The following ILDR1 variants were observed in gnomAD, a reference collection of about 807,000 sequenced individuals.
ILDR1 encodes the protein immunoglobulin like domain containing receptor 1, also known as immunoglobulin-like domain-containing receptor 1.
A neutral mutation model predicts 62.4 loss-of-function variants in ILDR1; 56 were observed. The ratio of observed to expected loss-of-function variants is 0.90; its 90% CI spans 0.72 to 1.12. The LOEUF (loss-of-function observed/expected upper bound fraction) is 1.12, where lower values mean the gene tolerates loss of function less well. ILDR1 is among the 50% of genes most tolerant of loss of function. The pLI is 0.00. For missense variants in ILDR1, 736 were observed against 710.6 expected, an observed-to-expected ratio of 1.04 and a Z score of -0.41; for synonymous variants, 284 against 277.8, an observed-to-expected ratio of 1.02 and a Z score of -0.22.
chr3:121,993,084 G>T, intron 7 of ILDR1, 66 bp downstream of exon 7: 1 of 1,291,806 alleles, frequency 7.7e-7, no homozygotes, highest in Non-Finnish European at 1.1e-6. Flanking sequence ...TGTTGGCTGT[G>T]GTCATGCCTG....
chr3:122,014,048 G>T (rs1405080571), intron 1 of ILDR1, among the ~76,000 whole-genome samples: 1 of 152,192 alleles, frequency 6.6e-6, no homozygotes, highest in Non-Finnish European at 1.5e-5. Flanking sequence ...CTGGATTTAA[G>T]CTTAGACCTC....
rs754492545 is a variant in ILDR1, at chr3:122,007,014, G to T, written c.206C>A (p.Pro69His). The T allele has an allele frequency of 7.4e-6, 12 of 1,612,944 alleles. No homozygotes were observed. In the East Asian group the frequency reaches 2.5e-4, roughly 33 times the overall value. ...TWRFKSFCKD[P>H]IFDYYSASYQ... ...ACACGCTGAGTAGTAGTCAAAGATA[G>T]GGTCCTTGCAGAAGGACTTGAAGCG... Residue 69 changes from proline (P) to histidine (H), a missense_variant, in exon 2 of 8, where the codon CCT becomes CAT. Transcript: ENST00000344209.
chr3:122,009,476 T>C (rs980058037), intron 1 of ILDR1, among the ~76,000 whole-genome samples: 7 of 152,190 alleles, frequency 4.6e-5, no homozygotes, highest in Non-Finnish European at 8.8e-5. Context: ...TGAATGAAGA[T>C]GATGATAGTG....
the ILDR1 span, among the ~76,000 whole-genome samples, chr3:122,048,827 G>A: frequency 3.3e-5 from 5 of 151,922 alleles, no homozygotes; most frequent in Non-Finnish European, 7.4e-5. Context: ...ATAGAGACAG[G>A]GTCTTGCTAC....
rs192083204 is a variant in ILDR1 at position 121,993,991 on chromosome 3, G to A, written c.779-21C>T. 25 of 1,600,738 alleles carry A rather than the reference G, an allele frequency of 1.6e-5. No individual in the cohort carries two copies. In the East Asian group the frequency reaches 2.5e-4, roughly 16 times the overall value. On this transcript the variant is annotated intron_variant, in intron 6 of 7. Transcript: ENST00000344209. ...CAAATCTGAATGGAAACAAGGACAGGACAATAGAACAAATGGCCCAAAACA... is the reference window on the plus strand; with the variant it reads ...CAAATCTGAATGGAAACAAGGACAGAACAATAGAACAAATGGCCCAAAACA...
chr3:122,058,371 T>C, the ILDR1 span, among the ~76,000 whole-genome samples: 1 of 151,972 alleles, frequency 6.6e-6, no homozygotes, highest in African/African-American at 2.4e-5. Context: ...GGAAGCCAAA[T>C]GGTAGAAAGG....
chr3:122,038,836 A>G, the ILDR1 span, among the ~76,000 whole-genome samples: 1 of 152,200 alleles, frequency 6.6e-6, no homozygotes, highest in African/African-American at 2.4e-5. Context: ...AAAAAATTGC[A>G]TGGACAGAAA....
chr3:122,037,406 T>C, the ILDR1 span, among the ~76,000 whole-genome samples: 7 of 152,234 alleles, frequency 4.6e-5, no homozygotes, highest in African/African-American at 7.2e-5. Flanking sequence ...GCCATGAGTG[T>C]GAGACATTGA....
intron 5 of ILDR1, among the ~76,000 whole-genome samples, chr3:121,996,811 T>A (rs2071443889): frequency 6.6e-6 from 1 of 152,210 alleles, no homozygotes; most frequent in Non-Finnish European, 1.5e-5. Flanking sequence ...CTGCTGAGGA[T>A]TCTCAACAAC....
chr3:122,030,255 G>A, the ILDR1 span, among the ~76,000 whole-genome samples: 1,132 of 152,202 alleles, frequency 7.4e-3, 13 homozygotes, highest in African/African-American at 0.026. Flanking sequence ...CCGCAGAGAA[G>A]AGGTTCAAGT....
At chr3:122,049,305 A>T in the ILDR1 span, among the ~76,000 whole-genome samples, 1 of 151,458 alleles carries the variant, frequency 6.6e-6, no homozygotes, top group Non-Finnish European at 1.5e-5. Flanking sequence ...GTGATCTATT[A>T]AAAAAAAATG....
the ILDR1 span, among the ~76,000 whole-genome samples, chr3:122,059,986 GT>G: frequency 6.6e-6 from 1 of 152,054 alleles, no homozygotes; most frequent in South Asian, 2.1e-4. Context: ...GAAACCCTAA[GT>G]TTGGACTCCT....
At chr3:122,010,167 C>T (rs2071683101) in intron 1 of ILDR1, among the ~76,000 whole-genome samples, 1 of 152,168 alleles carries the variant, frequency 6.6e-6, no homozygotes, top group Admixed American at 6.5e-5. Flanking sequence ...GGGGCAGTTA[C>T]TTGGGTAACC....
chr3:121,993,946 G>C lies in ILDR1; in HGVS notation c.803C>G (p.Pro268Arg), dbSNP rs371191715. ...GGTGGTCTGGGTCATTGGCATCTGCGGGAGGCTGGACGGCAGGGACAAATC... is the reference window on the plus strand; with the variant it reads ...GGTGGTCTGGGTCATTGGCATCTGCCGGAGGCTGGACGGCAGGGACAAATC... Reference protein sequence around the residue: ...QRDLSLPSSLPQMPMTQTTNQ... With the variant: ...QRDLSLPSSLRQMPMTQTTNQ... The change falls in exon 7 of 8, where the codon CCG becomes CGG. Residue 268 changes from proline to arginine, a missense_variant. Transcript: ENST00000344209. The C allele has an allele frequency of 4.3e-6, 7 of 1,612,066 alleles. No individual in the cohort carries two copies. In the African/African-American group the frequency reaches 6.7e-5, roughly 15 times the overall value.
chr3:122,046,907 T>G, the ILDR1 span, among the ~76,000 whole-genome samples: 1 of 141,600 alleles, frequency 7.1e-6, no homozygotes, highest in South Asian at 2.5e-4. Flanking sequence ...CTGAAGCCTT[T>G]TTCTCTCAGC....
the ILDR1 span, among the ~76,000 whole-genome samples, chr3:122,029,005 GACAA>G: frequency 7.2e-5 from 11 of 152,274 alleles, no homozygotes; most frequent in African/African-American, 1.2e-4. Flanking sequence ...AGGAATAATA[GACAA>G]ACAGAGTGGT....
chr3:122,039,146 A>C, the ILDR1 span, among the ~76,000 whole-genome samples: 1 of 152,068 alleles, frequency 6.6e-6, no homozygotes, highest in African/African-American at 2.4e-5. Context: ...CTGAAATTTA[A>C]GAGGATCAGA....
intron 3 of ILDR1, among the ~76,000 whole-genome samples, chr3:122,004,021 G>A (rs1192137195): frequency 4.8e-5 from 7 of 146,604 alleles, no homozygotes; most frequent in African/African-American, 1.5e-4. Context: ...ATCAGATGCC[G>A]AATGTAAAAA....
intron 1 of ILDR1, among the ~76,000 whole-genome samples, chr3:122,009,791 C>T (rs1028934944): frequency 1.3e-5 from 2 of 152,228 alleles, no homozygotes; most frequent in African/African-American, 4.8e-5. Context: ...TCCTGCCTGA[C>T]CTACTGGTCA....
Sources: gnomAD v4.1 joint callset for allele counts (sites outside exome capture counted in the v4.1 genomes callset) on GRCh38, gnomAD v4.1.1 for gene constraint, MANE v1.5 for transcripts, NCBI Gene and HGNC (gene_info 2026-07-23, HGNC 2026-07-21) for gene names.